The following SMAD9 variants were observed in gnomAD, a reference collection of about 807,000 sequenced individuals.
The protein encoded by SMAD9 is SMAD family member 9.
In SMAD9, 36 loss-of-function variants were observed where a neutral mutation model predicts 46.1. The observed-to-expected ratio is 0.78, with a 90% confidence interval of 0.60 to 1.03. The LOEUF is 1.03. Among genes scored for constraint, SMAD9 ranks in the 50% least tolerant of loss-of-function variants. The pLI is 0.00. For missense variants in SMAD9, 572 were observed against 599.8 expected, an observed-to-expected ratio of 0.95 and a Z score of 0.48; for synonymous variants, 245 against 237.1, an observed-to-expected ratio of 1.03 and a Z score of -0.31.
chr13:36,882,867 G>C (rs1489689980), intron 1 of SMAD9, among the ~76,000 whole-genome samples: 1 of 152,174 alleles, frequency 6.6e-6, no homozygotes, highest in Admixed American at 6.5e-5. Flanking sequence ...AGGAGGCTGA[G>C]GTGGGAGGAT....
At chr13:36,850,535 C>G (rs1280941210) in intron 6 of SMAD9, among the ~76,000 whole-genome samples, 1 of 152,130 alleles carries the variant, frequency 6.6e-6, no homozygotes, top group South Asian at 2.1e-4. Flanking sequence ...CGCGCCACCA[C>G]GCCTGGCTAA....
At chr13:36,897,982 G>A (rs540461060) in intron 1 of SMAD9, among the ~76,000 whole-genome samples, 41 of 149,924 alleles carry the variant, frequency 2.7e-4, no homozygotes, top group Admixed American at 4.7e-4. Context: ...TCAGCCTCCC[G>A]AGTAGCTAGG....
At chr13:36,886,857 C>G (rs1041930840) in intron 1 of SMAD9, among the ~76,000 whole-genome samples, 1 of 151,896 alleles carries the variant, frequency 6.6e-6, no homozygotes, top group Non-Finnish European at 1.5e-5. Flanking sequence ...GAGGGTGGCA[C>G]AGGGGTGGAG....
At chr13:36,861,597 T>C (rs2058183058) in intron 5 of SMAD9, among the ~76,000 whole-genome samples, 1 of 149,780 alleles carries the variant, frequency 6.7e-6, no homozygotes, top group Non-Finnish European at 1.5e-5. Context: ...ATTACAGGCA[T>C]GAGCCACTGC....
chr13:36,876,543 C>T (rs1030434266), intron 2 of SMAD9, among the ~76,000 whole-genome samples: 3 of 152,068 alleles, frequency 2.0e-5, no homozygotes, highest in Non-Finnish European at 2.9e-5. Context: ...TAAAATTGGG[C>T]TTATATTTTC....
intron 6 of SMAD9, chr13:36,852,353 T>C (rs1303385681): frequency 1.0e-6 from 1 of 985,210 alleles, no homozygotes; most frequent in Non-Finnish European, 1.2e-6. Context: ...CATACCCCGA[T>C]ACTTTGATAA....
At chr13:36,871,635 A>C (rs889873065) in intron 3 of SMAD9, among the ~76,000 whole-genome samples, 1 of 152,254 alleles carries the variant, frequency 6.6e-6, no homozygotes, top group African/African-American at 2.4e-5. Flanking sequence ...AGAAAAAAGA[A>C]GGCTCGCTGT....
rs539993361 is a variant in SMAD9, at chr13:36,901,120, G to A, written c.-187+18996C>T. Among the ~76,000 whole-genome samples the A allele has an allele frequency of 2.0e-5, 3 of 152,300 alleles. No homozygotes were observed. In the East Asian group the frequency reaches 5.8e-4, roughly 29 times the overall value. On this transcript the variant is annotated intron_variant, in intron 1 of 6. Coordinates refer to ENST00000379826, the MANE Select transcript of SMAD9 (RefSeq NM_001127217.3). ...TTCCACCTTTAGGTTATTGTGAATA[G>A]TGCTGCTATAAACATTTGTGCAAAA...
At chr13:36,867,233 T>C in intron 4 of SMAD9, 40 bp downstream of exon 4, 3 of 1,319,052 alleles carry the variant, frequency 2.3e-6, no homozygotes, top group Non-Finnish European at 2.1e-6. Context: ...GGAAATACTT[T>C]TGGAAAATAG....
intron 1 of SMAD9, among the ~76,000 whole-genome samples, chr13:36,907,750 C>A (rs983423524): frequency 9.9e-5 from 15 of 152,122 alleles, no homozygotes; most frequent in African/African-American, 3.4e-4. Context: ...AAAATCCTAT[C>A]CAAATGTTAT....
chr13:36,915,037 G>C (rs998098868), intron 1 of SMAD9, among the ~76,000 whole-genome samples: 6 of 152,224 alleles, frequency 3.9e-5, no homozygotes, highest in Non-Finnish European at 7.3e-5. Context: ...AAAACAGGCT[G>C]TATGGAAGAA....
intron 1 of SMAD9, among the ~76,000 whole-genome samples, chr13:36,884,282 T>C (rs1278146942): frequency 1.3e-5 from 2 of 152,228 alleles, no homozygotes; most frequent in Admixed American, 6.5e-5. Context: ...TGGGCGTTCC[T>C]GTGTTTGAAA....
chr13:36,850,174 T>C (rs1392085496), intron 6 of SMAD9: 1 of 152,230 alleles, frequency 6.6e-6, no homozygotes, highest in Non-Finnish European at 1.5e-5. Context: ...GCCTTTGTGT[T>C]ATGTGGGCAG....
chr13:36,866,753 T>C (rs1470812492), intron 4 of SMAD9, among the ~76,000 whole-genome samples: 2 of 152,082 alleles, frequency 1.3e-5, no homozygotes, highest in East Asian at 3.8e-4. Flanking sequence ...ACAATGTAGA[T>C]TCTTGGACCC....
intron 1 of SMAD9, among the ~76,000 whole-genome samples, chr13:36,919,900 C>CACGCCGAGGAGCCTCCCAGGCT (rs2058729477): frequency 6.6e-6 from 1 of 151,256 alleles, no homozygotes; most frequent in African/African-American, 2.4e-5. Context: ...AGCCAAGCCT[C>CACGCCGAGGAGCCTCCCAGGCT]ACGCCGAGGA....
chr13:36,912,609 G>A (rs1172957937), intron 1 of SMAD9, among the ~76,000 whole-genome samples: 2 of 152,152 alleles, frequency 1.3e-5, no homozygotes, highest in Admixed American at 6.5e-5. Flanking sequence ...CCAGTAAAGG[G>A]TAGCAGGGAA....
In SMAD9 at chr13:36,879,865, G is replaced by A; in HGVS notation, c.-176C>T. 1.6e-6 allele frequency: 1 copy of A among 640,246 alleles called. No individual in the cohort carries two copies. Among genetic ancestry groups the A allele is most frequent in the Admixed American group, 2.8e-5 (1 of 35,388 alleles). 39.7% of individuals were successfully genotyped at this position (640,246 alleles called of 1,614,324 possible). A position where few individuals can be genotyped will look rare whatever the true frequency, so the allele number is the denominator to read the frequency against. On this transcript the variant is annotated 5_prime_UTR_variant, in exon 2 of 7. Coordinates refer to ENST00000379826, the MANE Select transcript of SMAD9 (RefSeq NM_001127217.3). ...GACTTTCTCCTAAGCCCTTGAACAG[G>A]GTGGCCAACTCTGGAAAACACGACA...
intron 2 of SMAD9, among the ~76,000 whole-genome samples, chr13:36,877,149 G>A (rs1418525674): frequency 6.6e-6 from 1 of 152,136 alleles, no homozygotes; most frequent in Non-Finnish European, 1.5e-5. Flanking sequence ...GGATCATGAG[G>A]TCAAGAGATC....
chr13:36,893,880 T>A (rs1455199523), intron 1 of SMAD9, among the ~76,000 whole-genome samples: 1 of 152,156 alleles, frequency 6.6e-6, no homozygotes, highest in Non-Finnish European at 1.5e-5. Context: ...TTATATTATA[T>A]GTTGTATTAT....
Sources: gnomAD v4.1 joint callset for allele counts (sites outside exome capture counted in the v4.1 genomes callset) on GRCh38, gnomAD v4.1.1 for gene constraint, MANE v1.5 for transcripts, NCBI Gene and HGNC (gene_info 2026-07-23, HGNC 2026-07-21) for gene names.